SLC35F4: variants seen among roughly 807,000 people sequenced by gnomAD.
SLC35F4 encodes solute carrier family 35 member F4.
In SLC35F4, 24 loss-of-function variants were observed where a neutral mutation model predicts 44.2. The observed-to-expected ratio is 0.54, with a 90% CI of 0.39 to 0.76. The LOEUF (loss-of-function observed/expected upper bound fraction) is 0.76, where lower values mean the gene tolerates loss of function less well. SLC35F4 is among the 30% of genes least tolerant of loss of function. The pLI, the probability that SLC35F4 is intolerant of heterozygous loss-of-function variation, is 0.00. For synonymous variants in SLC35F4, 238 were observed against 223.6 expected, an observed-to-expected ratio of 1.06 and a Z score of -0.57; for missense variants, 562 against 586.1, an observed-to-expected ratio of 0.96 and a Z score of 0.42.
At chr14:57,795,291 G>A (rs1314893656) in intron 1 of SLC35F4, among the ~76,000 whole-genome samples, 1 of 152,070 alleles carries the variant, frequency 6.6e-6, no homozygotes, top group African/African-American at 2.4e-5. Context: ...TTTTTGTTCT[G>A]TCTATGACTT....
chr14:57,852,259 G>A (rs1886645398), intron 1 of SLC35F4, among the ~76,000 whole-genome samples: 1 of 152,112 alleles, frequency 6.6e-6, no homozygotes, highest in Non-Finnish European at 1.5e-5. Context: ...GAATGTTGAG[G>A]GGCCAGACAG....
At chr14:57,928,989 C>T (rs1489349811) in intron 1 of SLC35F4, among the ~76,000 whole-genome samples, 3 of 152,074 alleles carry the variant, frequency 2.0e-5, no homozygotes, top group African/African-American at 7.2e-5. Flanking sequence ...ACAGAAATGA[C>T]CAAATCTGAA....
intron 1 of SLC35F4, among the ~76,000 whole-genome samples, chr14:57,733,061 A>G (rs1006786652): frequency 2.6e-5 from 4 of 152,130 alleles, no homozygotes; most frequent in African/African-American, 7.2e-5. Flanking sequence ...AGATTCCTAG[A>G]ACACAGATAA....
chr14:57,663,558 G>A (rs1335151844), intron 1 of SLC35F4, among the ~76,000 whole-genome samples: 1 of 152,160 alleles, frequency 6.6e-6, no homozygotes, highest in East Asian at 1.9e-4. Flanking sequence ...ATAGCACAGA[G>A]ACCACAGAGC....
intron 1 of SLC35F4, among the ~76,000 whole-genome samples, chr14:57,670,626 A>G (rs1022362947): frequency 9.2e-5 from 14 of 151,834 alleles, no homozygotes; most frequent in Non-Finnish European, 1.5e-5. Flanking sequence ...TTCAGTTTCC[A>G]TGTAGTTGAG....
intron 1 of SLC35F4, among the ~76,000 whole-genome samples, chr14:57,959,527 C>T (rs1259251207): frequency 2.0e-5 from 3 of 152,170 alleles, no homozygotes; most frequent in African/African-American, 7.2e-5. Context: ...TAACATCAGG[C>T]CTGTCTGACT....
chr14:57,619,852 C>A (rs915315339), intron 1 of SLC35F4, among the ~76,000 whole-genome samples: 2 of 152,008 alleles, frequency 1.3e-5, no homozygotes, highest in African/African-American at 4.8e-5. Flanking sequence ...ACACATATAA[C>A]CTGATGAAGC....
rs577588690 is a variant in SLC35F4 at position 57,615,858 on chromosome 14, G to A, written c.104-21734C>T. ...GATGGGATAGAGGGTTAGATCTGGAGCTTTGCCTGAAAAGAACCTTATACC... is the reference window on the plus strand; with the variant it reads ...GATGGGATAGAGGGTTAGATCTGGAACTTTGCCTGAAAAGAACCTTATACC... On this transcript the variant is annotated intron_variant, in intron 1 of 7. Coordinates refer to ENST00000556826, the MANE Select transcript of SLC35F4 (RefSeq NM_001306087.2). Among the ~76,000 whole-genome samples the A allele has an allele frequency of 1.4e-4, 21 of 152,298 alleles. No individual in the cohort carries two copies. The East Asian group carries it at 3.9e-3, about 28-fold the overall frequency.
intron 1 of SLC35F4, among the ~76,000 whole-genome samples, chr14:57,650,404 G>A (rs2073736497): frequency 6.6e-6 from 1 of 151,966 alleles, no homozygotes. Flanking sequence ...TCAACAAATA[G>A]CATCACCATC....
intron 1 of SLC35F4, among the ~76,000 whole-genome samples, chr14:57,837,863 A>C (rs1451070861): frequency 6.6e-6 from 1 of 152,228 alleles, no homozygotes; most frequent in Admixed American, 6.5e-5. Flanking sequence ...CCCCTTCCCC[A>C]ATACACATAC....
chr14:57,674,188 G>A (rs182380786), intron 1 of SLC35F4, among the ~76,000 whole-genome samples: 20 of 152,118 alleles, frequency 1.3e-4, no homozygotes, highest in South Asian at 1.0e-3. Flanking sequence ...CACCAGAATG[G>A]CTAAAATAAA....
intron 1 of SLC35F4, among the ~76,000 whole-genome samples, chr14:57,892,901 T>C (rs1888800333): frequency 6.6e-6 from 1 of 152,208 alleles, no homozygotes; most frequent in Non-Finnish European, 1.5e-5. Flanking sequence ...GGGACAAATA[T>C]GGCTTTCTAA....
intron 1 of SLC35F4, among the ~76,000 whole-genome samples, chr14:57,895,453 C>G (rs947033411): frequency 6.6e-6 from 1 of 151,954 alleles, no homozygotes; most frequent in Non-Finnish European, 1.5e-5. Flanking sequence ...GAAGGAGGGG[C>G]CTGGTCGGAT....
chr14:57,814,762 C>T (rs1317242619), intron 1 of SLC35F4, among the ~76,000 whole-genome samples: 2 of 151,962 alleles, frequency 1.3e-5, no homozygotes, highest in African/African-American at 4.8e-5. Context: ...ACATTTGGAC[C>T]CTGGGTATGG....
chr14:57,617,130 C>CTTTTTTTTTTTTTTTTT (rs3054446), intron 1 of SLC35F4, among the ~76,000 whole-genome samples: 1 of 99,248 alleles, frequency 1.0e-5, no homozygotes, highest in Non-Finnish European at 1.9e-5. Context: ...TGTACTTATT[C>CTTTTTTTTTTTTTTTTT]TTTTTTTTTT....
intron 2 of SLC35F4, among the ~76,000 whole-genome samples, chr14:57,590,417 T>TATTAA (rs377618069): frequency 0.025 from 3,785 of 152,000 alleles, 70 homozygotes; most frequent in South Asian, 0.048. Context: ...CAGAGATGAT[T>TATTAA]ATTAAAAGTA....
chr14:57,881,857 G>T (rs1374634490), intron 1 of SLC35F4, among the ~76,000 whole-genome samples: 2 of 152,216 alleles, frequency 1.3e-5, no homozygotes, highest in African/African-American at 2.4e-5. Context: ...AGTCCCTATA[G>T]GTCCTGTTCA....
intron 1 of SLC35F4, among the ~76,000 whole-genome samples, chr14:57,978,999 T>G (rs1422046271): frequency 1.3e-5 from 2 of 152,184 alleles, no homozygotes; most frequent in Non-Finnish European, 2.9e-5. Flanking sequence ...ATGGGATTCA[T>G]AGGACATCTG....
intron 1 of SLC35F4, among the ~76,000 whole-genome samples, chr14:57,693,290 A>G (rs2075285672): frequency 6.6e-6 from 1 of 152,202 alleles, no homozygotes; most frequent in Non-Finnish European, 1.5e-5. Flanking sequence ...GTTGTTGGTA[A>G]TAGGCCCCCA....
Sources: gnomAD v4.1 joint callset for allele counts (sites outside exome capture counted in the v4.1 genomes callset) on GRCh38, gnomAD v4.1.1 for gene constraint, MANE v1.5 for transcripts, NCBI Gene and HGNC (gene_info 2026-07-23, HGNC 2026-07-21) for gene names.